The following PDE4D variants were observed in gnomAD, a reference collection of about 807,000 sequenced individuals.
PDE4D encodes the protein phosphodiesterase 4D, also known as 3',5'-cyclic-AMP phosphodiesterase 4D.
In PDE4D, 24 loss-of-function variants were observed where a neutral mutation model predicts 87.4. The ratio of observed to expected loss-of-function variants is 0.27; its 90% confidence interval spans 0.20 to 0.39. The LOEUF (loss-of-function observed/expected upper bound fraction) is 0.39, where lower values mean the gene tolerates loss of function less well. Among genes scored for constraint, PDE4D ranks in the 10% least tolerant of loss-of-function variants. The pLI, the probability that PDE4D is intolerant of heterozygous loss-of-function variation, is 1.00. For synonymous variants in PDE4D, 384 were observed against 383.2 expected (o/e 1.00, Z -0.02); for missense variants, 714 against 1,041.0 (o/e 0.69, Z 4.32).
At chr5:59,762,860 T>G (rs1324985262) in intron 1 of PDE4D, among the ~76,000 whole-genome samples, 3 of 110,092 alleles carry the variant, frequency 2.7e-5, no homozygotes, top group Non-Finnish European at 5.5e-5. Flanking sequence ...TAAGGATATA[T>G]ATATATATAT....
At chr5:59,849,441 T>C (rs878924490) in intron 1 of PDE4D, among the ~76,000 whole-genome samples, 5 of 152,010 alleles carry the variant, frequency 3.3e-5, no homozygotes, top group Non-Finnish European at 7.4e-5. Context: ...AAGGAGATCA[T>C]GTAGAAATGT....
At chr5:59,196,096 G>GA (rs1343451323) in intron 2 of PDE4D, among the ~76,000 whole-genome samples, 1 of 151,884 alleles carries the variant, frequency 6.6e-6, no homozygotes, top group Non-Finnish European at 1.5e-5. Flanking sequence ...AAGTTCTGGG[G>GA]AAAAAAAGAT....
intron 1 of PDE4D, among the ~76,000 whole-genome samples, chr5:59,632,411 C>T (rs375882385): frequency 6.6e-6 from 1 of 152,326 alleles, no homozygotes; most frequent in African/African-American, 2.4e-5. Flanking sequence ...CAGACTCCCT[C>T]CTCAAGTTGG....
intron 1 of PDE4D, among the ~76,000 whole-genome samples, chr5:59,805,387 A>G (rs1285168266): frequency 6.6e-6 from 1 of 152,254 alleles, no homozygotes; most frequent in Non-Finnish European, 1.5e-5. Flanking sequence ...TGATGGTGTC[A>G]GGAAGTGTAA....
intron 1 of PDE4D, among the ~76,000 whole-genome samples, chr5:59,335,862 T>C (rs775700647): frequency 6.6e-6 from 1 of 152,188 alleles, no homozygotes; most frequent in Non-Finnish European, 1.5e-5. Flanking sequence ...CCTAAGGCAC[T>C]CCCAGCCATT....
At chr5:59,183,589 G>C (rs1742194272) in intron 4 of PDE4D, among the ~76,000 whole-genome samples, 1 of 152,160 alleles carries the variant, frequency 6.6e-6, no homozygotes, top group South Asian at 2.1e-4. Flanking sequence ...TAAAAAGTTT[G>C]GGAGTGACAA....
intron 1 of PDE4D, among the ~76,000 whole-genome samples, chr5:60,361,181 A>C (rs1760027532): frequency 6.6e-6 from 1 of 152,324 alleles, no homozygotes; most frequent in Middle Eastern, 3.4e-3. Flanking sequence ...GTGATCAAGC[A>C]CATAGTAGAT....
intron 1 of PDE4D, among the ~76,000 whole-genome samples, chr5:60,442,719 T>C (rs1349403236): frequency 6.6e-6 from 1 of 152,166 alleles, no homozygotes; most frequent in Non-Finnish European, 1.5e-5. Context: ...TGGTTGGCTA[T>C]GAGAGAAGAA....
intron 2 of PDE4D, among the ~76,000 whole-genome samples, chr5:59,195,422 G>C (rs1745253442): frequency 6.6e-6 from 1 of 152,218 alleles, no homozygotes; most frequent in Admixed American, 6.5e-5. Context: ...AGGCAGAGCA[G>C]CTGCCTAGAT....
intron 6 of PDE4D, among the ~76,000 whole-genome samples, chr5:58,995,497 C>T (rs1561262892): frequency 6.6e-6 from 1 of 152,118 alleles, no homozygotes; most frequent in East Asian, 1.9e-4. Context: ...TCCCTCTTTA[C>T]AAAGTTATAT....
At chr5:59,870,064 T>G (rs1747602689) in intron 1 of PDE4D, among the ~76,000 whole-genome samples, 2 of 152,190 alleles carry the variant, frequency 1.3e-5, no homozygotes, top group African/African-American at 4.8e-5. Context: ...TAGGGCAAGG[T>G]CTGTTATCTG....
At chr5:59,554,178 T>C (rs1583095580) in intron 1 of PDE4D, among the ~76,000 whole-genome samples, 1 of 152,184 alleles carries the variant, frequency 6.6e-6, no homozygotes, top group African/African-American at 2.4e-5. Flanking sequence ...GTTCCTGCTC[T>C]TGACATTGTA....
chr5:60,239,892 C>T (rs1431874170), intron 1 of PDE4D, among the ~76,000 whole-genome samples: 2 of 151,994 alleles, frequency 1.3e-5, no homozygotes, highest in Non-Finnish European at 2.9e-5. Flanking sequence ...AATTAGGTTT[C>T]TCTCTTTTCT....
Position 60,399,006 on chromosome 5 carries a change from G to T in PDE4D, c.-90+88936C>A, listed in dbSNP as rs145347098. Reference sequence around the variant, plus strand: ...ATACATCCCAAAATTAACATTTTAGGTCCCTGGAGATCTATAATTTGATTA... The same window carrying T: ...ATACATCCCAAAATTAACATTTTAGTTCCCTGGAGATCTATAATTTGATTA... On this transcript the variant is annotated intron_variant, in intron 1 of 16. Transcript: ENST00000502484. 1.6e-3 allele frequency among the ~76,000 whole-genome samples: 245 copies of T among 152,212 alleles called. 1 individual carries two copies. Among genetic ancestry groups the T allele is most frequent in the African/African-American group, 5.6e-3 (231 of 41,544 alleles).
chr5:59,976,573 CCA>C (rs1462821745), intron 3 of PDE4D, among the ~76,000 whole-genome samples: 1 of 152,194 alleles, frequency 6.6e-6, no homozygotes, highest in East Asian at 1.9e-4. Context: ...GGTGCCTTGC[CCA>C]GACACCCTGC....
At chr5:59,472,112 T>C (rs2153652278) in intron 1 of PDE4D, among the ~76,000 whole-genome samples, 1 of 152,322 alleles carries the variant, frequency 6.6e-6, no homozygotes, top group Non-Finnish European at 1.5e-5. Flanking sequence ...CTGCTATTAC[T>C]ACATACGGTC....
In PDE4D at chr5:59,763,053, C is replaced by T. The variant is rs1004850104; in HGVS notation, c.455+130115G>A. Among the ~76,000 whole-genome samples, 15 of 150,660 alleles carry T rather than the reference C, an allele frequency of 1.0e-4. No individual in the cohort carries two copies. In the East Asian group the frequency reaches 1.6e-3, roughly 16 times the overall value. ...AACACACTGATTTCAGGATCCTCTGCGAAGGAAGAAGAATAGGATGGGTGA... is the reference window on the plus strand; with the variant it reads ...AACACACTGATTTCAGGATCCTCTGTGAAGGAAGAAGAATAGGATGGGTGA... On this transcript the variant is annotated intron_variant, in intron 1 of 14. Coordinates refer to ENST00000340635, the MANE Select transcript of PDE4D (RefSeq NM_001104631.2).
At chr5:60,029,957 C>T (rs910959761) in intron 2 of PDE4D, among the ~76,000 whole-genome samples, 3 of 152,154 alleles carry the variant, frequency 2.0e-5, no homozygotes, top group Non-Finnish European at 2.9e-5. Flanking sequence ...ATTCTGGCTA[C>T]CTAAAATCCC....
At chr5:60,489,162 C>T (rs571500026), upstream of PDE4D, among the ~76,000 whole-genome samples, 1 of 152,294 alleles carries the variant, frequency 6.6e-6, no homozygotes, top group East Asian at 1.9e-4. Flanking sequence ...CCCTTAGATA[C>T]TTAATGTACT....
Sources: gnomAD v4.1 joint callset for allele counts (sites outside exome capture counted in the v4.1 genomes callset) on GRCh38, gnomAD v4.1.1 for gene constraint, MANE v1.5 for transcripts, NCBI Gene and HGNC (gene_info 2026-07-23, HGNC 2026-07-21) for gene names.